TMOD3: variants seen among roughly 807,000 people sequenced by gnomAD.
The protein encoded by TMOD3 is tropomodulin 3.
In TMOD3, 20 loss-of-function variants were observed where a neutral mutation model predicts 39.2. That is an observed-to-expected ratio of 0.51 (90% CI 0.36 to 0.74). TMOD3 has a LOEUF of 0.74. TMOD3 is among the 30% of genes least tolerant of loss of function. The pLI is 0.00. For synonymous variants in TMOD3, 143 were observed against 145.8 expected (o/e 0.98, Z 0.14); for missense variants, 381 against 412.8 (o/e 0.92, Z 0.67).
intron 6 of TMOD3, among the ~76,000 whole-genome samples, chr15:51,894,676 G>A (rs913797204): frequency 3.9e-5 from 6 of 152,200 alleles, no homozygotes; most frequent in African/African-American, 1.4e-4. Flanking sequence ...CCTATAGTAT[G>A]TAGCCTTTTG....
At chr15:51,887,515 T>G (rs202238082) in intron 3 of TMOD3, 74 bp from the exon 4 acceptor site, 41 of 1,486,920 alleles carry the variant, frequency 2.8e-5, no homozygotes, top group South Asian at 2.3e-4. Flanking sequence ...TTGTACATGC[T>G]TTGGTTACAA....
chr15:51,863,772 C>G (rs2056430920), intron 2 of TMOD3, among the ~76,000 whole-genome samples: 2 of 152,128 alleles, frequency 1.3e-5, no homozygotes, highest in African/African-American at 4.8e-5. Flanking sequence ...AGATGGAGTT[C>G]ATTTTATAAC....
intron 1 of TMOD3, among the ~76,000 whole-genome samples, chr15:51,832,277 G>A (rs1229625392): frequency 7.1e-6 from 1 of 141,690 alleles, no homozygotes; most frequent in Non-Finnish European, 1.5e-5. Context: ...TTTGGGATTA[G>A]GCAGATATAC....
intron 9 of TMOD3, among the ~76,000 whole-genome samples, chr15:51,906,735 T>C (rs1041320436): frequency 2.0e-5 from 3 of 152,186 alleles, no homozygotes; most frequent in Non-Finnish European, 4.4e-5. Flanking sequence ...TAAAGAATTA[T>C]CTGGGCTGGG....
chr15:51,841,915 A>G (rs992497814), intron 1 of TMOD3, among the ~76,000 whole-genome samples: 6 of 151,852 alleles, frequency 4.0e-5, no homozygotes, highest in Non-Finnish European at 8.8e-5. Context: ...GATTACAGGC[A>G]TGGGCCACCA....
At chr15:51,880,897 A>G (rs1396305691) in intron 3 of TMOD3, among the ~76,000 whole-genome samples, 1 of 152,208 alleles carries the variant, frequency 6.6e-6, no homozygotes, top group Non-Finnish European at 1.5e-5. Context: ...GAAACTGCCA[A>G]ACTTTTCCAA....
In TMOD3 at chr15:51,869,241, C is replaced by A; in HGVS notation, c.151C>A (p.Arg51=). 1 of 1,613,756 alleles carries A rather than the reference C, an allele frequency of 6.2e-7. No homozygotes were observed. The highest frequency in any genetic ancestry group is 8.5e-7 in the Non-Finnish European group (1 of 1,179,912). ...PENALLPAGF[R]QKNQTSKSTT... ...GAATGCCCTTCTGCCTGCAGGGTTC[C>A]GGCAGAAGAACCAGACATCAAAGTC... is the stretch of plus-strand genomic sequence containing the variant. The change falls in exon 3 of 10, where the codon CGG becomes AGG. Residue 51 remains arginine (R), a synonymous_variant. Transcript: ENST00000308580.
chr15:51,879,922 G>T (rs985200630), intron 3 of TMOD3, among the ~76,000 whole-genome samples: 16 of 149,296 alleles, frequency 1.1e-4, no homozygotes, highest in African/African-American at 4.0e-4. Flanking sequence ...CAAGAATAAG[G>T]AATTAATGTG....
chr15:51,890,380 T>C (rs953645437), intron 5 of TMOD3, among the ~76,000 whole-genome samples: 3 of 150,204 alleles, frequency 2.0e-5, no homozygotes. Flanking sequence ...TTTTGCGATG[T>C]TGGCCAGGCT....
At chr15:51,842,819 G>T (rs146323222) in intron 1 of TMOD3, among the ~76,000 whole-genome samples, 1 of 152,216 alleles carries the variant, frequency 6.6e-6, no homozygotes, top group African/African-American at 2.4e-5. Context: ...TTTAGGCCTT[G>T]TGCCTCTTGA....
intron 7 of TMOD3, among the ~76,000 whole-genome samples, chr15:51,897,546 G>A (rs1157092977): frequency 2.1e-5 from 3 of 144,864 alleles, no homozygotes; most frequent in Admixed American, 7.1e-5. Context: ...GTGCAGTGGC[G>A]CAATCTCGGC....
chr15:51,851,323 C>T (rs2141675809), intron 1 of TMOD3, among the ~76,000 whole-genome samples: 1 of 152,238 alleles, frequency 6.6e-6, no homozygotes, highest in East Asian at 1.9e-4. Context: ...TAAGAAACAG[C>T]AATTGTGTAA....
chr15:51,832,241 T>C (rs1488540543), intron 1 of TMOD3, among the ~76,000 whole-genome samples: 2 of 81,234 alleles, frequency 2.5e-5, no homozygotes, highest in Non-Finnish European at 5.6e-5. Flanking sequence ...ATGAATGACA[T>C]GGTTCCTGTC....
At chr15:51,862,753 A>T (rs2056425447) in intron 1 of TMOD3, 58 bp from the exon 2 acceptor site, 3 of 762,814 alleles carry the variant, frequency 3.9e-6, no homozygotes, top group South Asian at 5.3e-5. Context: ...TGAGAATTAG[A>T]TCTAAGTAGG....
At chr15:51,854,455 A>G (rs1047131912) in intron 1 of TMOD3, among the ~76,000 whole-genome samples, 2 of 152,218 alleles carry the variant, frequency 1.3e-5, no homozygotes, top group African/African-American at 4.8e-5. Context: ...AAGAATCTGA[A>G]AACTCTGAGC....
At chr15:51,841,544 T>G (rs778269239) in intron 1 of TMOD3, among the ~76,000 whole-genome samples, 5 of 152,198 alleles carry the variant, frequency 3.3e-5, no homozygotes, top group Non-Finnish European at 7.3e-5. Flanking sequence ...AAAGCAGACC[T>G]TATGTCCTGG....
chr15:51,839,775 T>G (rs915388186), intron 1 of TMOD3, among the ~76,000 whole-genome samples: 11 of 152,284 alleles, frequency 7.2e-5, no homozygotes, highest in African/African-American at 2.6e-4. Flanking sequence ...GTGTTATCAT[T>G]TGGAAATTTT....
rs2056643535 is a variant in TMOD3, at chr15:51,900,302, A to G, written c.879+4A>G. 1 of 1,613,898 alleles carries G rather than the reference A, an allele frequency of 6.2e-7. No individual in the cohort carries two copies. The highest frequency in any genetic ancestry group is 1.3e-5 in the African/African-American group (1 of 75,018). Reference sequence around the variant, plus strand: ...AGAGCTCAAGATTGACAATCAGGTCAATGTTCTACAATAATAACGTCGAGG... The same window carrying G: ...AGAGCTCAAGATTGACAATCAGGTCGATGTTCTACAATAATAACGTCGAGG... On this transcript the variant is annotated splice_donor_region_variant and intron_variant, in intron 8 of 9. Coordinates refer to ENST00000308580, the MANE Select transcript of TMOD3 (RefSeq NM_014547.5).
intron 3 of TMOD3, among the ~76,000 whole-genome samples, chr15:51,877,229 G>T (rs927296179): frequency 6.6e-6 from 1 of 151,616 alleles, no homozygotes; most frequent in African/African-American, 2.4e-5. Context: ...AAATTTTCCT[G>T]TTTCTTTGCA....
Sources: gnomAD v4.1 joint callset for allele counts (sites outside exome capture counted in the v4.1 genomes callset) on GRCh38, gnomAD v4.1.1 for gene constraint, MANE v1.5 for transcripts, NCBI Gene and HGNC (gene_info 2026-07-23, HGNC 2026-07-21) for gene names.